NKAIN2: variants seen among roughly 807,000 people sequenced by gnomAD.
NKAIN2 encodes sodium/potassium transporting ATPase interacting 2.
A neutral mutation model predicts 32.6 loss-of-function variants in NKAIN2; 14 were observed. The ratio of observed to expected loss-of-function variants is 0.43; its 90% CI spans 0.28 to 0.67. The LOEUF (loss-of-function observed/expected upper bound fraction) is 0.67. NKAIN2 is among the 30% of genes least tolerant of loss of function. The pLI is 0.17. For missense variants in NKAIN2, 198 were observed against 258.3 expected (o/e 0.77, Z 1.60); for synonymous variants, 80 against 87.2 (o/e 0.92, Z 0.46).
At chr6:124,618,818 G>T (rs1393381294) in intron 3 of NKAIN2, among the ~76,000 whole-genome samples, 1 of 152,138 alleles carries the variant, frequency 6.6e-6, no homozygotes, top group Admixed American at 6.5e-5. Context: ...TGTCAAGAAG[G>T]TATCTCATTA....
At chr6:123,806,242 A>G (rs1211956548) in intron 1 of NKAIN2, among the ~76,000 whole-genome samples, 2 of 152,150 alleles carry the variant, frequency 1.3e-5, no homozygotes, top group African/African-American at 4.8e-5. Context: ...GAAGAGCACA[A>G]TCTAAGTAAG....
At chr6:123,809,914 G>T (rs994700590) in intron 1 of NKAIN2, among the ~76,000 whole-genome samples, 4 of 152,050 alleles carry the variant, frequency 2.6e-5, no homozygotes, top group Non-Finnish European at 5.9e-5. Flanking sequence ...AAAACTCCTT[G>T]AAATGCTACA....
chr6:124,075,042 G>A (rs1269731262), intron 1 of NKAIN2, among the ~76,000 whole-genome samples: 2 of 152,164 alleles, frequency 1.3e-5, no homozygotes, highest in Admixed American at 1.3e-4. Flanking sequence ...TGTTACCACA[G>A]CACTGCAGTT....
At chr6:124,115,878 C>A (rs1349924737) in intron 1 of NKAIN2, among the ~76,000 whole-genome samples, 1 of 151,996 alleles carries the variant, frequency 6.6e-6, no homozygotes, top group African/African-American at 2.4e-5. Flanking sequence ...AAAACTGTAG[C>A]TCCTCAACTT....
intron 1 of NKAIN2, among the ~76,000 whole-genome samples, chr6:123,826,233 T>A (rs1171183333): frequency 6.6e-6 from 1 of 152,094 alleles, no homozygotes; most frequent in Non-Finnish European, 1.5e-5. Flanking sequence ...CCAAAAGAAA[T>A]CTGAAATATA....
At chr6:124,748,267 T>G (rs914829203) in intron 4 of NKAIN2, among the ~76,000 whole-genome samples, 4 of 151,988 alleles carry the variant, frequency 2.6e-5, no homozygotes, top group Non-Finnish European at 5.9e-5. Flanking sequence ...CCCATTAGAC[T>G]GGGAGTTCTG....
intron 3 of NKAIN2, among the ~76,000 whole-genome samples, chr6:124,386,846 C>A (rs181589465): frequency 1.3e-5 from 2 of 152,238 alleles, no homozygotes; most frequent in East Asian, 3.9e-4. Flanking sequence ...CTATTGATTT[C>A]TTTGGGCCAT....
At chr6:124,793,513 C>T (rs1024538190) in intron 5 of NKAIN2, among the ~76,000 whole-genome samples, 3 of 152,010 alleles carry the variant, frequency 2.0e-5, no homozygotes, top group Non-Finnish European at 2.9e-5. Context: ...TGGGCTTTCT[C>T]TGGGCTATGT....
At chr6:124,500,693 T>C (rs1009387420) in intron 3 of NKAIN2, among the ~76,000 whole-genome samples, 57 of 150,980 alleles carry the variant, frequency 3.8e-4, no homozygotes, top group African/African-American at 1.2e-3. Context: ...AATAATAAAA[T>C]AAATAAAATA....
At chr6:124,131,684 T>C (rs1786484791) in intron 1 of NKAIN2, among the ~76,000 whole-genome samples, 2 of 152,072 alleles carry the variant, frequency 1.3e-5, no homozygotes, top group Non-Finnish European at 2.9e-5. Context: ...GTGTGAAATA[T>C]AAAAGTAGTA....
rs369601700 is a variant in NKAIN2, at chr6:124,239,251, G to A, written c.55-43754G>A. Among the ~76,000 whole-genome samples the A allele has an allele frequency of 1.6e-4, 25 of 152,186 alleles. No homozygotes were observed. In the South Asian group the frequency reaches 3.3e-3, roughly 20 times the overall value. On this transcript the variant is annotated intron_variant, in intron 1 of 6. Transcript: ENST00000368417. ...ATACAGGAGCAACCAGATTCATAAA[G>A]CAAGTTATTAGAGATGTACAAAGAG...
At chr6:124,647,582 T>G (rs773425399) in intron 3 of NKAIN2, among the ~76,000 whole-genome samples, 1 of 151,486 alleles carries the variant, frequency 6.6e-6, no homozygotes, top group Non-Finnish European at 1.5e-5. Context: ...ATGACGTTAT[T>G]ATAATATCCT....
chr6:123,949,762 A>C (rs1029618482), intron 1 of NKAIN2, among the ~76,000 whole-genome samples: 1 of 151,936 alleles, frequency 6.6e-6, no homozygotes, highest in Non-Finnish European at 1.5e-5. Flanking sequence ...AAATTGACTT[A>C]TTCTTCTTCA....
intron 3 of NKAIN2, among the ~76,000 whole-genome samples, chr6:124,393,502 C>G: frequency 6.6e-6 from 1 of 152,076 alleles, no homozygotes; most frequent in East Asian, 1.9e-4. Context: ...CTTCTTCTCT[C>G]TAAAGTTAAT....
chr6:124,191,825 T>C (rs1790035750), intron 1 of NKAIN2, among the ~76,000 whole-genome samples: 1 of 152,220 alleles, frequency 6.6e-6, no homozygotes, highest in Non-Finnish European at 1.5e-5. Context: ...TAAATGTTTC[T>C]TCAGTATCTA....
chr6:124,053,768 A>T (rs1377268111), intron 1 of NKAIN2, among the ~76,000 whole-genome samples: 1 of 152,038 alleles, frequency 6.6e-6, no homozygotes, highest in Non-Finnish European at 1.5e-5. Context: ...AAAAGGCTTG[A>T]GGAGGAAAAA....
At chr6:124,662,120 G>A (rs1784768236) in intron 4 of NKAIN2, among the ~76,000 whole-genome samples, 1 of 152,138 alleles carries the variant, frequency 6.6e-6, no homozygotes, top group Admixed American at 6.5e-5. Context: ...TTCCCGGAGT[G>A]TAAAAATTCA....
intron 3 of NKAIN2, among the ~76,000 whole-genome samples, chr6:124,649,403 TA>T (rs1298203261): frequency 1.3e-5 from 2 of 152,104 alleles, no homozygotes; most frequent in East Asian, 1.9e-4. Flanking sequence ...AGATGCAGTC[TA>T]AAAAAACTTG....
chr6:124,026,113 A>G (rs1781099529), intron 1 of NKAIN2, among the ~76,000 whole-genome samples: 1 of 152,132 alleles, frequency 6.6e-6, no homozygotes, highest in Non-Finnish European at 1.5e-5. Flanking sequence ...TTTCTCTACA[A>G]CTATCCAGTT....
Sources: allele counts gnomAD v4.1 joint callset (sites outside exome capture counted in the v4.1 genomes callset), GRCh38; gene constraint gnomAD v4.1.1; transcripts MANE v1.5; gene names NCBI Gene and HGNC (gene_info 2026-07-23, HGNC 2026-07-21).